Variants in ANKS1B observed in about 807,000 individuals in gnomAD.
The protein encoded by ANKS1B is ankyrin repeat and sterile alpha motif domain-containing protein 1B.
A neutral mutation model predicts 148.3 loss-of-function variants in ANKS1B; 36 were observed. That is an observed-to-expected ratio of 0.24 (90% CI 0.19 to 0.32). The LOEUF (loss-of-function observed/expected upper bound fraction) is 0.32, where lower values mean the gene tolerates loss of function less well. Among genes scored for constraint, ANKS1B ranks in the 10% least tolerant of loss-of-function variants. The pLI is 1.00. For missense variants in ANKS1B, 1,157 were observed against 1,542.6 expected (o/e 0.75, Z 4.19); for synonymous variants, 542 against 560.8 (o/e 0.97, Z 0.47).
At chr12:99,197,052 G>C (rs1350920320) in intron 14 of ANKS1B, among the ~76,000 whole-genome samples, 1 of 152,066 alleles carries the variant, frequency 6.6e-6, no homozygotes, top group Admixed American at 6.6e-5. Flanking sequence ...GAAAGTCTCT[G>C]GTTGACTAAC....
At position 98,801,059 on chromosome 12, in the gene ANKS1B, C is replaced by A; in HGVS notation, c.3208G>T (p.Val1070Leu). ...TCTGGGTGATGCTGCCAGTACTGTA[C>A]CGGGGTAGAGGCTGTGGCTTCATTC... The part of the protein sequence containing the change: ...PPNEATASTP[V>L]QYWQHHPEKL... The change falls in exon 21 of 27, where the codon GTA becomes TTA. Residue 1070 changes from valine to leucine, a missense_variant. Val to Leu is a conservative substitution (Grantham distance 32). Coordinates refer to ENST00000683438, the MANE Select transcript of ANKS1B (RefSeq NM_001352186.2). The surrounding 1 kb of genome is among the most constrained non-coding windows in gnomAD (Gnocchi z 5.2). 1 of 1,612,756 alleles carries A rather than the reference C, an allele frequency of 6.2e-7. No individual in the cohort carries two copies. The highest frequency in any genetic ancestry group is 8.5e-7 in the Non-Finnish European group (1 of 1,179,422).
intron 14 of ANKS1B, among the ~76,000 whole-genome samples, chr12:99,163,414 C>A (rs1331238980): frequency 6.6e-6 from 1 of 151,656 alleles, no homozygotes; most frequent in African/African-American, 2.4e-5. Context: ...AGGTCATTGG[C>A]ACTGAAAAAA....
chr12:99,363,574 TA>T (rs2092605762), intron 12 of ANKS1B, among the ~76,000 whole-genome samples: 2 of 152,250 alleles, frequency 1.3e-5, no homozygotes, highest in East Asian at 3.9e-4. Flanking sequence ...TCATGAAGCT[TA>T]AGCTTCAGGA....
chr12:99,849,956 G>A (rs541224337), intron 1 of ANKS1B, among the ~76,000 whole-genome samples: 6 of 152,022 alleles, frequency 3.9e-5, no homozygotes, highest in Non-Finnish European at 8.8e-5. Flanking sequence ...ATACCTCTCT[G>A]TGGGTTTATT....
At chr12:99,182,991 C>T (rs2079314085) in intron 14 of ANKS1B, among the ~76,000 whole-genome samples, 1 of 152,130 alleles carries the variant, frequency 6.6e-6, no homozygotes, top group Non-Finnish European at 1.5e-5. Flanking sequence ...ATCTTTTGCT[C>T]AGTTTTAAAT....
At chr12:99,099,378 C>G (rs1599949407) in intron 15 of ANKS1B, among the ~76,000 whole-genome samples, 1 of 152,320 alleles carries the variant, frequency 6.6e-6, no homozygotes, top group East Asian at 1.9e-4. Context: ...AAAAGAGATG[C>G]CTGGTTAGAT....
intron 1 of ANKS1B, among the ~76,000 whole-genome samples, chr12:99,915,901 T>C (rs559512513): frequency 1.3e-5 from 2 of 152,302 alleles, no homozygotes; most frequent in East Asian, 3.9e-4. Flanking sequence ...CATTAACTTA[T>C]AGAAGCATCA....
intron 16 of ANKS1B, among the ~76,000 whole-genome samples, chr12:99,077,126 A>G (rs972957722): frequency 7.2e-5 from 11 of 152,208 alleles, no homozygotes; most frequent in African/African-American, 2.7e-4. Flanking sequence ...AACCCTGGGA[A>G]TACCACAGCC....
intron 15 of ANKS1B, among the ~76,000 whole-genome samples, chr12:99,100,321 T>C (rs913653906): frequency 6.6e-6 from 1 of 152,224 alleles, no homozygotes; most frequent in Non-Finnish European, 1.5e-5. Flanking sequence ...GGGGCTTCTT[T>C]ATTCATTGAC....
chr12:98,879,856 T>C (rs1191694566), intron 17 of ANKS1B, among the ~76,000 whole-genome samples: 1 of 152,232 alleles, frequency 6.6e-6, no homozygotes. Context: ...ATGATTAGAA[T>C]AATTTTTTCC....
intron 15 of ANKS1B, among the ~76,000 whole-genome samples, chr12:99,151,419 T>G (rs1480855784): frequency 6.6e-6 from 1 of 151,826 alleles, no homozygotes; most frequent in Non-Finnish European, 1.5e-5. Flanking sequence ...TCCCAGCTAC[T>G]TGGGAGGCTG....
intron 17 of ANKS1B, among the ~76,000 whole-genome samples, chr12:98,948,865 A>G (rs2153062905): frequency 6.7e-6 from 1 of 149,334 alleles, no homozygotes; most frequent in East Asian, 2.0e-4. Flanking sequence ...GAACTGCTTG[A>G]CTTTCCACCC....
At chr12:99,323,576 C>T (rs1566892645) in intron 12 of ANKS1B, among the ~76,000 whole-genome samples, 1 of 152,176 alleles carries the variant, frequency 6.6e-6, no homozygotes. Flanking sequence ...AAACATGTTA[C>T]TTGCTTTATT....
At chr12:98,832,950 T>G (rs1454195645) in intron 17 of ANKS1B, among the ~76,000 whole-genome samples, 1 of 151,976 alleles carries the variant, frequency 6.6e-6, no homozygotes, top group African/African-American at 2.4e-5. Context: ...AAAGAATGAA[T>G]GGTAATAGAG....
At chr12:99,309,184 T>A (rs187898388) in intron 12 of ANKS1B, among the ~76,000 whole-genome samples, 1 of 151,900 alleles carries the variant, frequency 6.6e-6, no homozygotes, top group Admixed American at 6.6e-5. Context: ...TCTTACCTCA[T>A]TGCATTGGCC....
intron 22 of ANKS1B, among the ~76,000 whole-genome samples, chr12:98,797,993 A>G (rs1164077344): frequency 6.6e-6 from 1 of 152,218 alleles, no homozygotes; most frequent in Non-Finnish European, 1.5e-5. Context: ...TACACCTGTT[A>G]TGGAGGAAGC....
At chr12:99,554,812 T>C (rs1371366740) in intron 9 of ANKS1B, among the ~76,000 whole-genome samples, 1 of 152,336 alleles carries the variant, frequency 6.6e-6, no homozygotes, top group African/African-American at 2.4e-5. Flanking sequence ...GTGAACTTAA[T>C]ATCCAATTGG....
chr12:99,201,163 T>C (rs2082024576), intron 14 of ANKS1B, among the ~76,000 whole-genome samples: 1 of 152,138 alleles, frequency 6.6e-6, no homozygotes, highest in Non-Finnish European at 1.5e-5. Flanking sequence ...GGTGAGGGCC[T>C]GATCACGCAT....
intron 12 of ANKS1B, among the ~76,000 whole-genome samples, chr12:99,327,727 A>G (rs1368546495): frequency 6.6e-6 from 1 of 150,742 alleles, no homozygotes; most frequent in Non-Finnish European, 1.5e-5. Flanking sequence ...TATTTATATA[A>G]TAGATAATAT....
Sources: allele counts gnomAD v4.1 joint callset (sites outside exome capture counted in the v4.1 genomes callset), GRCh38; gene constraint gnomAD v4.1.1; non-coding constraint Gnocchi (gnomAD v3.1); transcripts MANE v1.5; gene names NCBI Gene and HGNC (gene_info 2026-07-23, HGNC 2026-07-21).